Variants in ARHGEF10L observed in about 807,000 individuals in gnomAD.
ARHGEF10L encodes Rho guanine nucleotide exchange factor 10 like, also known as rho guanine nucleotide exchange factor 10-like protein.
In ARHGEF10L, 69 loss-of-function variants were observed where a neutral mutation model predicts 141.2. That is an observed-to-expected ratio of 0.49 (90% CI 0.40 to 0.60). The LOEUF (loss-of-function observed/expected upper bound fraction) is 0.60. Among genes scored for constraint, ARHGEF10L ranks in the 20% least tolerant of loss-of-function variants. The pLI is 0.00. For synonymous variants in ARHGEF10L, 711 were observed against 718.5 expected (o/e 0.99, Z 0.17); for missense variants, 1,482 against 1,734.3 (o/e 0.85, Z 2.58).
chr1:17,569,641 C>A (rs903981600), intron 1 of ARHGEF10L, among the ~76,000 whole-genome samples: 5 of 152,148 alleles, frequency 3.3e-5, no homozygotes, highest in African/African-American at 1.2e-4. Flanking sequence ...GAAAGGGAGG[C>A]CTGGTTTGCT....
At chr1:17,587,753 G>A (rs1476381245) in intron 3 of ARHGEF10L, 108 bp downstream of exon 3, 1 of 1,272,930 alleles carries the variant, frequency 7.9e-7, no homozygotes, top group African/African-American at 1.5e-5. Flanking sequence ...GCTGTCCCCA[G>A]AAAGCAGGAA....
At chr1:17,652,042 G>A (rs763493527) in intron 22 of ARHGEF10L, among the ~76,000 whole-genome samples, 4 of 152,232 alleles carry the variant, frequency 2.6e-5, no homozygotes, top group Non-Finnish European at 5.9e-5. Flanking sequence ...AGCTCACCAC[G>A]TTTCCAGGTG....
chr1:17,653,491 C>G (rs932649926), intron 22 of ARHGEF10L, among the ~76,000 whole-genome samples: 5 of 152,220 alleles, frequency 3.3e-5, no homozygotes, highest in Non-Finnish European at 7.3e-5. Context: ...GGCCTCGTCT[C>G]CACCAAGGGA....
chr1:17,583,539 TG>T (rs983686021), intron 2 of ARHGEF10L, among the ~76,000 whole-genome samples: 1 of 152,178 alleles, frequency 6.6e-6, no homozygotes, highest in African/African-American at 2.4e-5. Context: ...AGGTAGTTGC[TG>T]TTATTGACCT....
At chr1:17,640,020 C>T (rs974076242) in intron 20 of ARHGEF10L, 182 bp from the exon 21 acceptor site, 48 of 1,464,564 alleles carry the variant, frequency 3.3e-5, no homozygotes, top group Non-Finnish European at 4.0e-5. Flanking sequence ...GGAGGGATTC[C>T]TCCCCCAGGG....
intron 26 of ARHGEF10L, among the ~76,000 whole-genome samples, chr1:17,685,117 G>A (rs2064453957): frequency 6.6e-6 from 1 of 152,192 alleles, no homozygotes; most frequent in Non-Finnish European, 1.5e-5. Flanking sequence ...GGCAAAAGAA[G>A]CTGAGTCCTG....
rs1416897956 is a variant in ARHGEF10L at position 17,680,771 on chromosome 1, G to A, written c.3010-6802G>A. 7.3e-5 allele frequency among the ~76,000 whole-genome samples: 10 copies of A among 137,198 alleles called. No individual in the cohort carries two copies. The Admixed American group carries it at 7.4e-4, about 10-fold the overall frequency. The allele number at this position is 137,198 out of a possible 152,430, so 90.0% of individuals were successfully genotyped here. A position where few individuals can be genotyped will look rare whatever the true frequency, so the allele number is the denominator to read the frequency against. On this transcript the variant is annotated intron_variant, in intron 26 of 28. Transcript: ENST00000361221. ...TTTTTTTTTTTTTTTAAATTACTTTGCCTTTTCTCCCATAACTTTTTTTTT... is the reference window on the plus strand; with the variant it reads ...TTTTTTTTTTTTTTTAAATTACTTTACCTTTTCTCCCATAACTTTTTTTTT...
At chr1:17,696,720 G>C in intron 28 of ARHGEF10L, 128 bp from the exon 29 acceptor site, 1 of 982,732 alleles carries the variant, frequency 1.0e-6, no homozygotes, top group South Asian at 2.3e-5. Flanking sequence ...TTCGGGGGAG[G>C]TGCCAACATA....
rs1431098585 is a variant in ARHGEF10L, at chr1:17,695,269, C to T, written c.3296C>T (p.Pro1099Leu). Residue 1099 changes from proline to leucine, a missense_variant, in exon 28 of 29, where the codon CCC becomes CTC. This residue lies in a region of ARHGEF10L where 858 missense variants were observed against 966.3 expected (regional missense o/e 0.89). Coordinates refer to ENST00000361221, the MANE Select transcript of ARHGEF10L (RefSeq NM_018125.4). Reference sequence around the variant, plus strand: ...CCCGTGCCTCGGCTGGAAGGCATCCCCAAGATCACAGGTGAGGCTTTGGGA... The same window carrying T: ...CCCGTGCCTCGGCTGGAAGGCATCCTCAAGATCACAGGTGAGGCTTTGGGA... ...LLPVPRLEGIPKITGKGMVSL... is the reference protein window; with the variant it reads ...LLPVPRLEGILKITGKGMVSL... 4.4e-6 allele frequency: 7 copies of T among 1,587,540 alleles called. No homozygotes were observed. Among genetic ancestry groups the T allele is most frequent in the Non-Finnish European group, 6.0e-6 (7 of 1,167,602 alleles).
intron 21 of ARHGEF10L, among the ~76,000 whole-genome samples, chr1:17,645,045 C>T (rs947498333): frequency 2.0e-5 from 3 of 152,004 alleles, no homozygotes; most frequent in African/African-American, 4.8e-5. Context: ...CTGAGGGTAG[C>T]GGGGGATCTG....
At chr1:17,686,135 A>C in intron 26 of ARHGEF10L, among the ~76,000 whole-genome samples, 1 of 141,118 alleles carries the variant, frequency 7.1e-6, no homozygotes, top group African/African-American at 2.8e-5. Context: ...TGTAGCATTC[A>C]CATTTTTCTG....
At chr1:17,660,769 G>T (rs1427946752) in intron 25 of ARHGEF10L, among the ~76,000 whole-genome samples, 6 of 152,218 alleles carry the variant, frequency 3.9e-5, no homozygotes, top group Admixed American at 2.6e-4. Flanking sequence ...AGAAGAATGG[G>T]CTGTCATACA....
At chr1:17,553,336 T>C (rs1313730769) in intron 1 of ARHGEF10L, among the ~76,000 whole-genome samples, 1 of 152,184 alleles carries the variant, frequency 6.6e-6, no homozygotes, top group Non-Finnish European at 1.5e-5. Flanking sequence ...CTCTACCAAT[T>C]CTAATAATTC....
rs1298044085 is a variant in ARHGEF10L, at chr1:17,656,708, G to A, written c.2860G>A (p.Gly954Arg). ...CCTTGCTGCTTACCCTCGGACCAGCGGTGAGGACTGGGGGGAATGGGGGAA... is the reference window on the plus strand; with the variant it reads ...CCTTGCTGCTTACCCTCGGACCAGCAGTGAGGACTGGGGGGAATGGGGGAA... Reference protein sequence around the residue: ...GTLAAYPRTSGGVLWDLESPP... With the variant: ...GTLAAYPRTSRGVLWDLESPP... Residue 954 changes from glycine to arginine, a missense_variant and splice_region_variant, in exon 25 of 29, where the codon GGA becomes AGA. By Grantham distance (125) the Gly-to-Arg change is moderately radical (BLOSUM62 -2). This residue lies in a region of ARHGEF10L where 858 missense variants were observed against 966.3 expected (regional missense o/e 0.89). Coordinates refer to ENST00000361221, the MANE Select transcript of ARHGEF10L (RefSeq NM_018125.4). The surrounding 1 kb of genome is among the most constrained non-coding windows in gnomAD (Gnocchi z 4.9). 7.4e-6 allele frequency: 12 copies of A among 1,611,444 alleles called. No homozygotes were observed. The highest frequency in any genetic ancestry group is 2.7e-5 in the African/African-American group (2 of 75,014).
intron 9 of ARHGEF10L, among the ~76,000 whole-genome samples, chr1:17,616,984 C>T (rs2059844032): frequency 6.6e-6 from 1 of 152,326 alleles, no homozygotes; most frequent in South Asian, 2.1e-4. Flanking sequence ...ATCCTCACCA[C>T]ACAAGGCGCA....
intron 1 of ARHGEF10L, among the ~76,000 whole-genome samples, chr1:17,578,317 C>T (rs2078306732): frequency 6.6e-6 from 1 of 152,126 alleles, no homozygotes; most frequent in Non-Finnish European, 1.5e-5. Context: ...AAAGTTTAGT[C>T]CTGAGAGTTT....
intron 4 of ARHGEF10L, among the ~76,000 whole-genome samples, chr1:17,593,764 A>AGTTCGTG (rs1380436632): frequency 6.6e-6 from 1 of 151,552 alleles, no homozygotes; most frequent in African/African-American, 2.4e-5. Context: ...TAAGTCACTA[A>AGTTCGTG]GTTCGTGGTC....
intron 7 of ARHGEF10L, among the ~76,000 whole-genome samples, chr1:17,609,887 A>G (rs2059452445): frequency 6.6e-6 from 1 of 152,016 alleles, no homozygotes; most frequent in African/African-American, 2.4e-5. Flanking sequence ...GGCTTTGGTT[A>G]TGAAGCCCCC....
rs751963834 is a variant in ARHGEF10L, at chr1:17,654,700, C to T, written c.2459C>T (p.Ser820Phe). 7.4e-6 allele frequency: 12 copies of T among 1,614,184 alleles called. 1 individual carries two copies. The highest frequency in any genetic ancestry group is 1.6e-4 in the Middle Eastern group (1 of 6,062). Residue 820 changes from serine (S) to phenylalanine (F), a missense_variant, in exon 23 of 29, where the codon TCC becomes TTC. Around this residue, in one of 3 missense-constraint regions of ARHGEF10L, gnomAD observed 858 missense variants for 966.3 expected, o/e 0.89. Coordinates refer to ENST00000361221, the MANE Select transcript of ARHGEF10L (RefSeq NM_018125.4). The surrounding 1 kb of genome is among the most constrained non-coding windows in gnomAD (Gnocchi z 4.3). ...CTGGGTTTCTCAGCAGTCAGCACCT[C>T]CCTTCCACAGGGCTACCTCTGGGTG... ...PLLGFSAVST[S>F]LPQGYLWVGG...
Sources: gnomAD v4.1 joint callset for allele counts (sites outside exome capture counted in the v4.1 genomes callset) on GRCh38, gnomAD v4.1.1 for gene constraint, gnomAD v4.1.1 regional missense constraint, Gnocchi (gnomAD v3.1) non-coding constraint, MANE v1.5 for transcripts, NCBI Gene and HGNC (gene_info 2026-07-23, HGNC 2026-07-21) for gene names.